The following SLC7A2 variants were observed in gnomAD, a reference collection of about 807,000 sequenced individuals.
The protein encoded by SLC7A2 is cationic amino acid transporter 2.
Under a neutral mutation model 58.9 loss-of-function variants are expected in SLC7A2, and 48 were observed. The ratio of observed to expected loss-of-function variants is 0.82; its 90% confidence interval spans 0.65 to 1.04. The LOEUF (loss-of-function observed/expected upper bound fraction) is 1.04, where lower values mean the gene tolerates loss of function less well. Ranked by LOEUF, SLC7A2 falls within the 50% of genes least tolerant of loss-of-function variation. The pLI is 0.00. For synonymous variants in SLC7A2, 363 were observed against 314.5 expected, an observed-to-expected ratio of 1.15 and a Z score of -1.63; for missense variants, 1,029 against 818.8, an observed-to-expected ratio of 1.26 and a Z score of -3.13.
At chr8:17,509,438 TG>T (rs1800507281) in intron 2 of SLC7A2, among the ~76,000 whole-genome samples, 1 of 152,030 alleles carries the variant, frequency 6.6e-6, no homozygotes, top group South Asian at 2.1e-4. Flanking sequence ...CCCAAGTAGC[TG>T]GGTTTACAGG....
At chr8:17,547,785 A>AGTGTGTGTGTGTGTGTGTGTGTGTGT (rs35052068) in intron 4 of SLC7A2, among the ~76,000 whole-genome samples, 1 of 144,710 alleles carries the variant, frequency 6.9e-6, no homozygotes, top group Non-Finnish European at 1.5e-5. Context: ...GGCACAAAAG[A>AGTGTGTGTGTGTGTGTGTGTGTGTGT]GTGTGTGTGT....
intron 2 of SLC7A2, among the ~76,000 whole-genome samples, chr8:17,542,398 C>T (rs13275900): frequency 0.13 from 20,476 of 152,142 alleles, 1,879 homozygotes; most frequent in Non-Finnish European, 0.2. Context: ...TGCGTGTAAT[C>T]CCAGCACTTT....
At chr8:17,563,457 T>G in intron 11 of SLC7A2, 146 bp from the exon 12 acceptor site, 1 of 583,666 alleles carries the variant, frequency 1.7e-6, no homozygotes, top group Non-Finnish European at 3.1e-6. Flanking sequence ...GTGATTCTCC[T>G]TTTATGGTCT....
chr8:17,514,585 A>G (rs1183991320), intron 2 of SLC7A2, among the ~76,000 whole-genome samples: 1 of 152,114 alleles, frequency 6.6e-6, no homozygotes, highest in Non-Finnish European at 1.5e-5. Context: ...TCCCTTTTAT[A>G]GCTGTTCTGA....
At chr8:17,558,636 A>T (rs914045195) in intron 9 of SLC7A2, among the ~76,000 whole-genome samples, 2 of 152,242 alleles carry the variant, frequency 1.3e-5, no homozygotes, top group African/African-American at 4.8e-5. Context: ...AATTTCTCAT[A>T]ATGTCTAACG....
At chr8:17,511,051 G>A (rs111837445) in intron 2 of SLC7A2, 3 of 152,036 alleles carry the variant, frequency 2.0e-5, no homozygotes, top group Admixed American at 2.0e-4. Context: ...GTTGAACAAT[G>A]AGAACACTTG....
At chr8:17,527,331 A>T (rs1359799571) in intron 2 of SLC7A2, among the ~76,000 whole-genome samples, 5 of 152,306 alleles carry the variant, frequency 3.3e-5, no homozygotes, top group Admixed American at 3.3e-4. Context: ...TCACTCCCTC[A>T]TTCATTCATT....
At chr8:17,509,303 C>T (rs1800500190) in intron 2 of SLC7A2, among the ~76,000 whole-genome samples, 1 of 151,658 alleles carries the variant, frequency 6.6e-6, no homozygotes, top group Non-Finnish European at 1.5e-5. Context: ...GTATAATTTC[C>T]TTATTCTTCT....
chr8:17,516,769 A>G (rs58268801), intron 2 of SLC7A2, among the ~76,000 whole-genome samples: 6,213 of 152,292 alleles, frequency 0.041, 429 homozygotes, highest in African/African-American at 0.14. Flanking sequence ...ACTGGTCAGC[A>G]CTTAAGAAAA....
chr8:17,544,730 C>T (rs1802084442), intron 4 of SLC7A2, 124 bp downstream of exon 4: 9 of 742,354 alleles, frequency 1.2e-5, no homozygotes. Flanking sequence ...ACATTTATGT[C>T]ACTGTTAGAC....
intron 11 of SLC7A2, among the ~76,000 whole-genome samples, chr8:17,562,873 C>T (rs1803085359): frequency 6.6e-6 from 1 of 152,102 alleles, no homozygotes; most frequent in African/African-American, 2.4e-5. Context: ...GGGTGTGGTG[C>T]CTCACACCTG....
chr8:17,563,736 C>G, intron 12 of SLC7A2, 25 bp downstream of exon 12: 1 of 1,347,546 alleles, frequency 7.4e-7, no homozygotes, highest in Non-Finnish European at 1.1e-6. Flanking sequence ...GTCGGGTTCT[C>G]TTTCCTATTT....
rs1460857582 is a variant in SLC7A2, at chr8:17,543,645, C to A, written c.306C>A (p.Tyr102Ter). The change falls in exon 3 of 13, where the codon TAC becomes TAA. Residue 102 changes from tyrosine (Y) to a stop codon, truncating the protein, a stop_gained. Coordinates refer to ENST00000494857, the MANE Select transcript of SLC7A2 (RefSeq NM_001370338.1). LOFTEE classifies it high-confidence loss of function. ...CCAAGACGGGGTCTGCATATTTGTACACCTACGTGACTGTCGGAGAGCTGT... is the reference window on the plus strand; with the variant it reads ...CCAAGACGGGGTCTGCATATTTGTAAACCTACGTGACTGTCGGAGAGCTGT... ...RVPKTGSAYL[Y>*]TYVTVGELWA... 6.4e-7 allele frequency: 1 copy of A among 1,565,652 alleles called. No individual in the cohort carries two copies. Among genetic ancestry groups the A allele is most frequent in the Non-Finnish European group, 8.6e-7 (1 of 1,157,622 alleles).
chr8:17,540,276 C>G (rs1481544564), intron 2 of SLC7A2, among the ~76,000 whole-genome samples: 2 of 152,012 alleles, frequency 1.3e-5, no homozygotes, highest in African/African-American at 4.8e-5. Flanking sequence ...CGTATTTTAC[C>G]AGGCTGTGCG....
At position 17,524,421 on chromosome 8, in the gene SLC7A2, TACACAC is replaced by T. The variant is rs367710230; in HGVS notation, c.-22-18866_-22-18861del. Reference sequence around the variant, plus strand: ...ATATACATATATGTGTGTGTGTGTGTACACACACACACACACACACACACACACACA... The same window carrying T: ...ATATACATATATGTGTGTGTGTGTGTACACACACACACACACACACACACA... On this transcript the variant is annotated intron_variant, in intron 2 of 12. Transcript: ENST00000494857. Among the ~76,000 whole-genome samples, 518 of 135,074 alleles carry T rather than the reference TACACAC, an allele frequency of 3.8e-3. 2 individuals carry two copies. The highest frequency in any genetic ancestry group is 0.012 in the African/African-American group (436 of 36,702). The allele number at this position is 135,074 out of a possible 152,430, so 88.6% of individuals were successfully genotyped here.
At chr8:17,510,959 A>T (rs1489588524) in intron 2 of SLC7A2, 1 of 152,246 alleles carries the variant, frequency 6.6e-6, no homozygotes, top group African/African-American at 2.4e-5. Context: ...AGGAACGTGG[A>T]TGAAGCTGGA....
At chr8:17,510,173 T>C (rs1480776485) in intron 2 of SLC7A2, among the ~76,000 whole-genome samples, 31 of 152,070 alleles carry the variant, frequency 2.0e-4, no homozygotes, top group African/African-American at 2.4e-5. Context: ...TGAGCCAAGA[T>C]AGCACCGCTG....
chr8:17,547,785 A>AGTGT (rs35052068), intron 4 of SLC7A2, among the ~76,000 whole-genome samples: 11,104 of 144,670 alleles, frequency 0.077, 467 homozygotes, highest in Middle Eastern at 0.1. Flanking sequence ...GGCACAAAAG[A>AGTGT]GTGTGTGTGT....
upstream of SLC7A2, among the ~76,000 whole-genome samples, chr8:17,495,496 T>C (rs1208351384): frequency 2.0e-5 from 3 of 152,224 alleles, no homozygotes; most frequent in African/African-American, 7.2e-5. Context: ...ACATTTGGTC[T>C]ATCAGATAAT....
Sources: gnomAD v4.1 joint callset for allele counts (sites outside exome capture counted in the v4.1 genomes callset) on GRCh38, gnomAD v4.1.1 for gene constraint, MANE v1.5 for transcripts, NCBI Gene and HGNC (gene_info 2026-07-23, HGNC 2026-07-21) for gene names.